SPTBN1: variants seen among roughly 807,000 people sequenced by gnomAD.
SPTBN1 encodes the protein spectrin beta, non-erythrocytic 1, also known as spectrin beta chain, non-erythrocytic 1.
In SPTBN1, 32 loss-of-function variants were observed where a neutral mutation model predicts 266.4. The ratio of observed to expected loss-of-function variants is 0.12; its 90% CI spans 0.09 to 0.16. SPTBN1 has a LOEUF of 0.16. Ranked by LOEUF, SPTBN1 falls within the 10% of genes least tolerant of loss-of-function variation. The probability of loss-of-function intolerance (pLI) is 1.00; values close to 1 mark genes in which losing one functional copy is unlikely to be tolerated. For synonymous variants in SPTBN1, 1,336 were observed against 1,162.2 expected (o/e 1.15, Z -3.04); for missense variants, 2,296 against 3,067.1 (o/e 0.75, Z 5.94).
intron 3 of SPTBN1, among the ~76,000 whole-genome samples, chr2:54,609,258 A>C (rs753891265): frequency 2.4e-4 from 37 of 152,156 alleles, no homozygotes; most frequent in South Asian, 2.1e-4. Context: ...TCTTCCGTTA[A>C]TTCTTCTGAT....
At chr2:54,509,867 C>T (rs1054301257) in intron 1 of SPTBN1, among the ~76,000 whole-genome samples, 1 of 151,942 alleles carries the variant, frequency 6.6e-6, no homozygotes, top group Admixed American at 6.6e-5. Context: ...AGATGGCTGC[C>T]GCCTCACTGT....
At chr2:54,539,985 G>T (rs886122622) in intron 2 of SPTBN1, among the ~76,000 whole-genome samples, 1 of 152,152 alleles carries the variant, frequency 6.6e-6, no homozygotes, top group Admixed American at 6.5e-5. Flanking sequence ...TGGAGCCCTC[G>T]TGAATGGGAT....
At position 54,616,077 on chromosome 2, in the gene SPTBN1, A is replaced by T. The variant is rs3796012; in HGVS notation, c.475-130A>T. 6 of 633,270 alleles carry T rather than the reference A, an allele frequency of 9.5e-6. 1 individual carries two copies. In the Admixed American group the frequency reaches 1.0e-4, roughly 11 times the overall value. The allele number at this position is 633,270 out of a possible 1,614,324, so 39.2% of individuals were successfully genotyped here. A position where few individuals can be genotyped will look rare whatever the true frequency, so the allele number is the denominator to read the frequency against. On this transcript the variant is annotated intron_variant, in intron 4 of 35. Coordinates refer to ENST00000356805, the MANE Select transcript of SPTBN1 (RefSeq NM_003128.3). ...ACTTCAGGAAGCAGTTTTCATTGAC[A>T]GGGTAGATCGTCTGCAGGGCAAGGC...
In SPTBN1 at chr2:54,558,489, CCT is replaced by C; in HGVS notation, c.148+31928_148+31929del. The C allele has an allele frequency of 8.7e-7, 1 of 1,151,402 alleles. No homozygotes were observed. The allele number at this position is 1,151,402 out of a possible 1,614,324, so 71.3% of individuals were successfully genotyped here. On this transcript the variant is annotated intron_variant, in intron 2 of 35. Coordinates refer to ENST00000356805, the MANE Select transcript of SPTBN1 (RefSeq NM_003128.3). This position sits in a 1 kb window ranked among gnomAD's most constrained non-coding sequence, Gnocchi z 4.6. The stretch of plus-strand genomic sequence containing the variant: ...AAGTTCTGAAGTAGAACCTGCGCCT[CCT>C]CTCTGCTTCTCCCTCCTCCTCAGTA...
chr2:54,505,252 G>T (rs993550240), intron 1 of SPTBN1, among the ~76,000 whole-genome samples: 3 of 152,182 alleles, frequency 2.0e-5, no homozygotes, highest in Non-Finnish European at 4.4e-5. Context: ...TTAGTTGGAT[G>T]AGATCTTGGA....
intron 2 of SPTBN1, among the ~76,000 whole-genome samples, chr2:54,555,744 TGCA>T (rs1672829165): frequency 6.6e-6 from 1 of 152,222 alleles, no homozygotes; most frequent in Non-Finnish European, 1.5e-5. Flanking sequence ...CCAGCCAAAC[TGCA>T]GCACTTGCTG....
At chr2:54,472,301 A>G (rs547028760) in intron 1 of SPTBN1, among the ~76,000 whole-genome samples, 9 of 152,178 alleles carry the variant, frequency 5.9e-5, no homozygotes, top group Admixed American at 2.0e-4. Flanking sequence ...TGCTGGGATT[A>G]CAGGCATGAG....
intron 16 of SPTBN1, among the ~76,000 whole-genome samples, chr2:54,632,110 AT>A (rs1204120497): frequency 2.6e-4 from 36 of 139,974 alleles, no homozygotes; most frequent in South Asian, 4.6e-4. Context: ...TACGGTGAGG[AT>A]TTTTTTTTTT....
rs117905728 is a variant in SPTBN1 at position 54,597,555 on chromosome 2, G to A, written c.149-1537G>A. 1.3e-3 allele frequency among the ~76,000 whole-genome samples: 195 copies of A among 152,314 alleles called. 3 individuals are homozygous for A. The East Asian group carries it at 0.034, about 27-fold the overall frequency. On this transcript the variant is annotated intron_variant, in intron 2 of 35. Transcript: ENST00000356805. ...GGGAAAGGCAGGACCTCAAGGAGCC[G>A]CTGACTGTAGCAGGTGGCCGGGGAT...
intron 3 of SPTBN1, among the ~76,000 whole-genome samples, chr2:54,600,971 A>T (rs1421820431): frequency 6.6e-6 from 1 of 152,150 alleles, no homozygotes; most frequent in East Asian, 1.9e-4. Flanking sequence ...GATCAGGCCC[A>T]TTGCCGTTTT....
chr2:54,594,274 G>T (rs1162202504), intron 2 of SPTBN1, among the ~76,000 whole-genome samples: 6 of 152,064 alleles, frequency 3.9e-5, no homozygotes, highest in African/African-American at 1.5e-4. Flanking sequence ...TTAGCCCTCT[G>T]TATCTGCAGG....
chr2:54,477,666 C>T (rs549159460), intron 1 of SPTBN1, among the ~76,000 whole-genome samples: 6 of 152,276 alleles, frequency 3.9e-5, no homozygotes, highest in Admixed American at 2.6e-4. Flanking sequence ...GTAATCCCAG[C>T]ACTTTGGGAG....
chr2:54,660,068 G>C, intron 32 of SPTBN1, 69 bp downstream of exon 32: 1 of 1,614,228 alleles, frequency 6.2e-7, no homozygotes, highest in Non-Finnish European at 8.5e-7. Flanking sequence ...CCAGTGACCA[G>C]CCATGGTCTG....
chr2:54,482,363 A>AG (rs1380911758), intron 1 of SPTBN1, among the ~76,000 whole-genome samples: 12 of 151,884 alleles, frequency 7.9e-5, no homozygotes. Context: ...GCAGGAAAAA[A>AG]AAAAAAAGAA....
At chr2:54,529,413 A>G (rs758594121) in intron 2 of SPTBN1, 11 of 698,916 alleles carry the variant, frequency 1.6e-5, no homozygotes, top group Admixed American at 3.6e-5. Flanking sequence ...AAGGCTTTAA[A>G]GGCCAAGAAG....
chr2:54,573,282 G>A (rs564414219), intron 2 of SPTBN1, among the ~76,000 whole-genome samples: 1 of 152,312 alleles, frequency 6.6e-6, no homozygotes, highest in East Asian at 1.9e-4. Flanking sequence ...AGATAGGGTG[G>A]AGGAAATGGG....
chr2:54,603,875 G>C (rs1157768205), intron 3 of SPTBN1, among the ~76,000 whole-genome samples: 1 of 152,196 alleles, frequency 6.6e-6, no homozygotes, highest in Non-Finnish European at 1.5e-5. Context: ...GATTTGCTGA[G>C]ATCAGTGTCT....
intron 1 of SPTBN1, among the ~76,000 whole-genome samples, chr2:54,508,834 C>G (rs1669711554): frequency 6.6e-6 from 1 of 152,182 alleles, no homozygotes; most frequent in Non-Finnish European, 1.5e-5. Flanking sequence ...GTGAATGACT[C>G]CGGCTTTCTT....
chr2:54,579,031 G>A (rs1428779157), intron 2 of SPTBN1, among the ~76,000 whole-genome samples: 1 of 152,146 alleles, frequency 6.6e-6, no homozygotes, highest in Admixed American at 6.5e-5. Context: ...TGGTATGAAT[G>A]TATTAGGCTG....
Sources: gnomAD v4.1 joint callset for allele counts (sites outside exome capture counted in the v4.1 genomes callset) on GRCh38, gnomAD v4.1.1 for gene constraint, Gnocchi (gnomAD v3.1) non-coding constraint, MANE v1.5 for transcripts, NCBI Gene and HGNC (gene_info 2026-07-23, HGNC 2026-07-21) for gene names.